The following NCAM2 variants were observed in gnomAD, a reference collection of about 807,000 sequenced individuals.
The protein encoded by NCAM2 is N-CAM-2.
A neutral mutation model predicts 98.1 loss-of-function variants in NCAM2; 30 were observed. The ratio of observed to expected loss-of-function variants is 0.31; its 90% confidence interval spans 0.23 to 0.41. The LOEUF (loss-of-function observed/expected upper bound fraction) is 0.41, where lower values mean the gene tolerates loss of function less well. NCAM2 is among the 10% of genes least tolerant of loss of function. The pLI is 1.00. For synonymous variants in NCAM2, 368 were observed against 342.4 expected, an observed-to-expected ratio of 1.07 and a Z score of -0.83; for missense variants, 867 against 1,005.8, an observed-to-expected ratio of 0.86 and a Z score of 1.87.
intron 1 of NCAM2, among the ~76,000 whole-genome samples, chr21:21,081,393 T>C (rs2065795110): frequency 6.6e-6 from 1 of 152,152 alleles, no homozygotes; most frequent in African/African-American, 2.4e-5. Flanking sequence ...AACAACCACC[T>C]GACCATCACC....
At chr21:21,048,465 G>A (rs1003714063) in intron 1 of NCAM2, among the ~76,000 whole-genome samples, 10 of 151,970 alleles carry the variant, frequency 6.6e-5, no homozygotes, top group Non-Finnish European at 1.3e-4. Flanking sequence ...CCATTCTCCT[G>A]CCTCAGCCTC....
At chr21:21,250,042 G>A (rs144931826) in intron 1 of NCAM2, among the ~76,000 whole-genome samples, 1 of 152,124 alleles carries the variant, frequency 6.6e-6, no homozygotes, top group African/African-American at 2.4e-5. Flanking sequence ...GCAGTAATAG[G>A]TTCGGATAGA....
At chr21:21,460,912 C>G (rs1982879746) in intron 12 of NCAM2, among the ~76,000 whole-genome samples, 2 of 148,728 alleles carry the variant, frequency 1.3e-5, no homozygotes, top group Admixed American at 1.4e-4. Flanking sequence ...AAAACCTTAA[C>G]TCATCCCAGT....
chr21:21,112,616 T>G (rs2066476558), intron 1 of NCAM2, among the ~76,000 whole-genome samples: 1 of 152,216 alleles, frequency 6.6e-6, no homozygotes, highest in Non-Finnish European at 1.5e-5. Context: ...GATTGCTGGA[T>G]GGTATCAGTC....
At chr21:21,368,296 A>G (rs1180071430) in intron 8 of NCAM2, among the ~76,000 whole-genome samples, 1 of 151,836 alleles carries the variant, frequency 6.6e-6, no homozygotes, top group Non-Finnish European at 1.5e-5. Flanking sequence ...TTTCATCAAC[A>G]CTTTCTCATT....
intron 1 of NCAM2, among the ~76,000 whole-genome samples, chr21:21,040,410 T>C (rs6518047): frequency 0.93 from 141,916 of 152,088 alleles, 66,985 homozygotes; most frequent in East Asian, 1. Context: ...TTTAGATATA[T>C]GAATATATAT....
chr21:21,210,453 C>T (rs990457913), intron 1 of NCAM2: 1 of 1,099,022 alleles, frequency 9.1e-7, no homozygotes, highest in Non-Finnish European at 1.2e-6. Flanking sequence ...CACTCCATGA[C>T]ATATTTACTG....
At chr21:21,325,072 A>G (rs1219407882) in intron 6 of NCAM2, among the ~76,000 whole-genome samples, 2 of 152,060 alleles carry the variant, frequency 1.3e-5, no homozygotes, top group African/African-American at 4.8e-5. Flanking sequence ...TTTGATTTTT[A>G]TTAAGTTCAA....
chr21:21,412,430 G>T (rs1175645366), intron 10 of NCAM2, among the ~76,000 whole-genome samples: 1 of 109,702 alleles, frequency 9.1e-6, no homozygotes, highest in Non-Finnish European at 2.2e-5. Context: ...TCAGTCCATA[G>T]AAAGTAGATT....
At chr21:21,298,305 T>G (rs963405945) in intron 5 of NCAM2, among the ~76,000 whole-genome samples, 2 of 151,754 alleles carry the variant, frequency 1.3e-5, no homozygotes, top group Non-Finnish European at 2.9e-5. Context: ...TGCAGACAGC[T>G]ATTTTAAGTC....
chr21:21,323,006 C>T (rs1217679928), intron 5 of NCAM2, among the ~76,000 whole-genome samples: 2 of 152,090 alleles, frequency 1.3e-5, no homozygotes, highest in Non-Finnish European at 2.9e-5. Context: ...CTACTTAACA[C>T]ATACAGAATA....
intron 1 of NCAM2, among the ~76,000 whole-genome samples, chr21:21,197,917 A>C (rs1043608752): frequency 1.3e-5 from 2 of 152,162 alleles, no homozygotes; most frequent in Non-Finnish European, 1.5e-5. Flanking sequence ...GTGACAAAAT[A>C]CTGAGTTTGA....
At chr21:21,439,468 A>C (rs1218340858) in intron 12 of NCAM2, among the ~76,000 whole-genome samples, 1 of 152,162 alleles carries the variant, frequency 6.6e-6, no homozygotes, top group Non-Finnish European at 1.5e-5. Context: ...TTTTAATAGA[A>C]ATCTGGAGGA....
At chr21:21,164,675 T>G in intron 1 of NCAM2, among the ~76,000 whole-genome samples, 1 of 152,280 alleles carries the variant, frequency 6.6e-6, no homozygotes, top group East Asian at 1.9e-4. Flanking sequence ...TGAATTTTAG[T>G]TAAGTTTAAG....
intron 1 of NCAM2, among the ~76,000 whole-genome samples, chr21:21,118,680 A>G (rs907079587): frequency 8.0e-5 from 12 of 150,728 alleles, no homozygotes; most frequent in African/African-American, 1.5e-4. Flanking sequence ...CTTTTCTTCT[A>G]CTCTTTTTCT....
intron 1 of NCAM2, among the ~76,000 whole-genome samples, chr21:21,123,399 CA>C (rs35636443): frequency 0.95 from 136,820 of 143,356 alleles, 65,413 homozygotes; most frequent in South Asian, 0.99. Context: ...GACTCCCTCT[CA>C]AAAAAAAAAA....
chr21:21,425,180 G>T (rs1409929564), intron 11 of NCAM2, among the ~76,000 whole-genome samples: 1 of 150,910 alleles, frequency 6.6e-6, no homozygotes, highest in African/African-American at 2.4e-5. Flanking sequence ...GTGTTCTAGA[G>T]ACAGATTTCA....
chr21:21,032,094 G>A (rs576472750), intron 1 of NCAM2, among the ~76,000 whole-genome samples: 293 of 152,174 alleles, frequency 1.9e-3, no homozygotes, highest in Non-Finnish European at 2.9e-3. Flanking sequence ...AATGGTGAGC[G>A]TACGAATTTA....
intron 16 of NCAM2, among the ~76,000 whole-genome samples, chr21:21,531,041 CTATT>C (rs1989664850): frequency 6.6e-6 from 1 of 152,018 alleles, no homozygotes; most frequent in African/African-American, 2.4e-5. Context: ...TTGCATTTGT[CTATT>C]TAGGTTGAGT....
Sources: allele counts gnomAD v4.1 joint callset (sites outside exome capture counted in the v4.1 genomes callset), GRCh38; gene constraint gnomAD v4.1.1; transcripts MANE v1.5; gene names NCBI Gene and HGNC (gene_info 2026-07-23, HGNC 2026-07-21).